DIP2C: variants seen among roughly 807,000 people sequenced by gnomAD.
The protein encoded by DIP2C is DIP2 acetate--CoA ligase C (putative), also known as disco-interacting protein 2 homolog C.
In DIP2C, 33 loss-of-function variants were observed where a neutral mutation model predicts 192.4. The observed-to-expected ratio is 0.17, with a 90% confidence interval of 0.13 to 0.23. DIP2C has a LOEUF of 0.23. Among genes scored for constraint, DIP2C ranks in the 10% least tolerant of loss-of-function variants. The pLI is 1.00. For missense variants in DIP2C, 1,537 were observed against 2,110.1 expected (o/e 0.73, Z 5.32); for synonymous variants, 979 against 864.1 (o/e 1.13, Z -2.33).
intron 1 of DIP2C, among the ~76,000 whole-genome samples, chr10:552,345 C>T (rs1235955068): frequency 2.0e-5 from 3 of 152,206 alleles, no homozygotes; most frequent in African/African-American, 7.2e-5. Flanking sequence ...ATTTCAGGAA[C>T]GGTGCTTGCT....
chr10:600,173 G>A (rs1851965091), intron 1 of DIP2C, among the ~76,000 whole-genome samples: 1 of 152,142 alleles, frequency 6.6e-6, no homozygotes, highest in East Asian at 1.9e-4. Context: ...AAATAAGAGG[G>A]AAGACATTTG....
At chr10:594,616 C>T (rs975226713) in intron 1 of DIP2C, among the ~76,000 whole-genome samples, 30 of 152,004 alleles carry the variant, frequency 2.0e-4, no homozygotes, top group East Asian at 1.4e-3. Context: ...ACCATTTCAA[C>T]GTAAGGGAAC....
chr10:415,967 C>T (rs576838359), intron 6 of DIP2C, 79 bp from the exon 7 acceptor site: 203 of 1,590,588 alleles, frequency 1.3e-4, no homozygotes, highest in Middle Eastern at 1.7e-4. Flanking sequence ...AGTCCCACAG[C>T]CCCCTCCCCA....
chr10:609,823 T>G (rs1852947427), intron 1 of DIP2C, among the ~76,000 whole-genome samples: 1 of 152,198 alleles, frequency 6.6e-6, no homozygotes, highest in African/African-American at 2.4e-5. Context: ...CCAGGGTCAC[T>G]GGGACCCCTG....
chr10:387,915 G>C, intron 13 of DIP2C, 106 bp from the exon 14 acceptor site: 1 of 1,255,958 alleles, frequency 8.0e-7, no homozygotes, highest in Non-Finnish European at 1.2e-6. Context: ...CAGATCTTGG[G>C]AAAATATCAT....
At chr10:311,677 G>T (rs1223734864) in intron 31 of DIP2C, 15 of 872,128 alleles carry the variant, frequency 1.7e-5, no homozygotes, top group Non-Finnish European at 2.3e-5. Context: ...AAAATGGGAT[G>T]GAGAAGAGGG....
At chr10:447,398 G>A (rs1968336298) in intron 3 of DIP2C, among the ~76,000 whole-genome samples, 1 of 150,628 alleles carries the variant, frequency 6.6e-6, no homozygotes, top group African/African-American at 2.5e-5. Flanking sequence ...CACACACAGT[G>A]GGGCAGCAGG....
intron 6 of DIP2C, 30 bp from the exon 7 acceptor site, chr10:415,918 A>G: frequency 6.2e-7 from 1 of 1,613,148 alleles, no homozygotes; most frequent in East Asian, 2.2e-5. Context: ...GGGTGGGGAA[A>G]GCGATCATCA....
intron 2 of DIP2C, among the ~76,000 whole-genome samples, chr10:479,512 T>C (rs1056835325): frequency 6.6e-6 from 1 of 151,984 alleles, no homozygotes; most frequent in Non-Finnish European, 1.5e-5. Flanking sequence ...TTTTAATATT[T>C]TTTAGTAGAG....
intron 32 of DIP2C, among the ~76,000 whole-genome samples, chr10:298,806 C>A (rs1955880947): frequency 6.6e-6 from 1 of 152,204 alleles, no homozygotes; most frequent in Non-Finnish European, 1.5e-5. Flanking sequence ...CTGGGCTGCA[C>A]CTCCACCCAA....
intron 1 of DIP2C, among the ~76,000 whole-genome samples, chr10:659,629 G>A (rs1298730723): frequency 6.6e-6 from 1 of 151,546 alleles, no homozygotes; most frequent in Non-Finnish European, 1.5e-5. Context: ...TCTCAAACTT[G>A]AATTGAACGA....
intron 1 of DIP2C, among the ~76,000 whole-genome samples, chr10:590,514 TA>T (rs1287755399): frequency 6.6e-6 from 1 of 152,208 alleles, no homozygotes; most frequent in Non-Finnish European, 1.5e-5. Flanking sequence ...CATGTTCCTT[TA>T]AAATCAGGTG....
chr10:546,009 G>A (rs906029082), intron 1 of DIP2C, among the ~76,000 whole-genome samples: 3 of 152,132 alleles, frequency 2.0e-5, no homozygotes, highest in Non-Finnish European at 2.9e-5. Context: ...GGGCATGGTG[G>A]GCTTATGCCT....
At chr10:526,014 C>G (rs188984988) in intron 1 of DIP2C, among the ~76,000 whole-genome samples, 2 of 152,328 alleles carry the variant, frequency 1.3e-5, no homozygotes, top group Admixed American at 1.3e-4. Flanking sequence ...CCTTCTGCAA[C>G]GCCTGGCGTG....
At chr10:424,212 GT>G (rs1445989533) in intron 4 of DIP2C, among the ~76,000 whole-genome samples, 1 of 152,016 alleles carries the variant, frequency 6.6e-6, no homozygotes, top group East Asian at 1.9e-4. Context: ...ACACGGGTTT[GT>G]TTTTTAAAAG....
chr10:665,436 T>C (rs1006828129), intron 1 of DIP2C: 1 of 152,198 alleles, frequency 6.6e-6, no homozygotes, highest in Non-Finnish European at 1.5e-5. Flanking sequence ...GTGAGTCCAG[T>C]AACGCGATCA....
chr10:683,670 C>G (rs1002200580), intron 1 of DIP2C, among the ~76,000 whole-genome samples: 1 of 152,072 alleles, frequency 6.6e-6, no homozygotes, highest in Non-Finnish European at 1.5e-5. Flanking sequence ...GTCTGAGTAA[C>G]GATGAGAAGA....
chr10:674,353 AAGG>A (rs1387604252), intron 1 of DIP2C, among the ~76,000 whole-genome samples: 3 of 152,244 alleles, frequency 2.0e-5, no homozygotes, highest in Non-Finnish European at 4.4e-5. Context: ...AAACTGTAAA[AAGG>A]AGACAAAAAG....
At chr10:539,939 T>C (rs939562554) in intron 1 of DIP2C, among the ~76,000 whole-genome samples, 2 of 152,186 alleles carry the variant, frequency 1.3e-5, no homozygotes, top group Non-Finnish European at 2.9e-5. Context: ...TGAAAATGTT[T>C]GACACCACAG....
Sources: gnomAD v4.1 joint callset for allele counts (sites outside exome capture counted in the v4.1 genomes callset) on GRCh38, gnomAD v4.1.1 for gene constraint, MANE v1.5 for transcripts, NCBI Gene and HGNC (gene_info 2026-07-23, HGNC 2026-07-21) for gene names.